The following WDR70 variants were observed in gnomAD, a reference collection of about 807,000 sequenced individuals.
WDR70 encodes the protein WD repeat-containing protein 70.
Under a neutral mutation model 88.6 loss-of-function variants are expected in WDR70, and 53 were observed. The ratio of observed to expected loss-of-function variants is 0.60; its 90% CI spans 0.48 to 0.75. The LOEUF (loss-of-function observed/expected upper bound fraction) is 0.75, where lower values mean the gene tolerates loss of function less well. Ranked by LOEUF, WDR70 falls within the 30% of genes least tolerant of loss-of-function variation. The pLI is 0.00. For synonymous variants in WDR70, 280 were observed against 270.0 expected, an observed-to-expected ratio of 1.04 and a Z score of -0.36; for missense variants, 610 against 823.2, an observed-to-expected ratio of 0.74 and a Z score of 3.17.
chr5:37,732,734 A>C (rs1226018636), intron 17 of WDR70, among the ~76,000 whole-genome samples: 1 of 152,108 alleles, frequency 6.6e-6, no homozygotes, highest in African/African-American at 2.4e-5. Context: ...ATTTATATTA[A>C]GGAGGTTAAC....
At chr5:37,463,978 A>C (rs1429509479) in intron 7 of WDR70, among the ~76,000 whole-genome samples, 1 of 152,226 alleles carries the variant, frequency 6.6e-6, no homozygotes, top group Non-Finnish European at 1.5e-5. Context: ...GCAGAAAAAC[A>C]ATGTGAATAT....
At chr5:37,446,596 A>G (rs935095299) in intron 7 of WDR70, among the ~76,000 whole-genome samples, 4 of 152,242 alleles carry the variant, frequency 2.6e-5, no homozygotes, top group Non-Finnish European at 5.9e-5. Context: ...ACAGAGATAT[A>G]GACCAATGGA....
intron 9 of WDR70, among the ~76,000 whole-genome samples, chr5:37,562,160 C>A (rs1742525292): frequency 6.6e-6 from 1 of 152,136 alleles, no homozygotes; most frequent in African/African-American, 2.4e-5. Flanking sequence ...GTGTTCGAGA[C>A]CAGCCTGGTC....
At chr5:37,413,119 G>C (rs1167513382) in intron 5 of WDR70, among the ~76,000 whole-genome samples, 1 of 152,200 alleles carries the variant, frequency 6.6e-6, no homozygotes, top group Non-Finnish European at 1.5e-5. Flanking sequence ...TATGTCAGCA[G>C]AGGATGCTAG....
intron 5 of WDR70, among the ~76,000 whole-genome samples, chr5:37,415,507 G>A (rs566513944): frequency 2.5e-5 from 2 of 80,162 alleles, no homozygotes; most frequent in South Asian, 4.6e-4. Context: ...GGGTGGGGGG[G>A]GCCTGACCCC....
At chr5:37,461,821 C>G (rs1739015593) in intron 7 of WDR70, among the ~76,000 whole-genome samples, 1 of 152,116 alleles carries the variant, frequency 6.6e-6, no homozygotes, top group Non-Finnish European at 1.5e-5. Context: ...AGGTTTTTGA[C>G]TATATATCTT....
chr5:37,405,139 A>G (rs1406839135), intron 5 of WDR70, among the ~76,000 whole-genome samples: 2 of 152,190 alleles, frequency 1.3e-5, no homozygotes, highest in Non-Finnish European at 1.5e-5. Flanking sequence ...AATAGGGAGA[A>G]GGACAAGTAA....
At chr5:37,667,996 T>C (rs536151828) in intron 10 of WDR70, among the ~76,000 whole-genome samples, 6 of 152,132 alleles carry the variant, frequency 3.9e-5, no homozygotes, top group Non-Finnish European at 8.8e-5. Context: ...AAGGCCATGG[T>C]GTGCAAATAA....
chr5:37,681,425 T>C (rs1399916610), intron 10 of WDR70, among the ~76,000 whole-genome samples: 1 of 152,200 alleles, frequency 6.6e-6, no homozygotes, highest in African/African-American at 2.4e-5. Flanking sequence ...GTTATTTCTT[T>C]CTCTTGCCTG....
At chr5:37,389,816 CA>C (rs1238290237) in intron 3 of WDR70, among the ~76,000 whole-genome samples, 1 of 152,100 alleles carries the variant, frequency 6.6e-6, no homozygotes, top group African/African-American at 2.4e-5. Context: ...CCAGAAGACA[CA>C]AAAAAGTCAA....
chr5:37,570,383 T>C (rs767781349), intron 9 of WDR70, among the ~76,000 whole-genome samples: 9 of 152,096 alleles, frequency 5.9e-5, no homozygotes, highest in Non-Finnish European at 1.3e-4. Flanking sequence ...TGAGAAACTT[T>C]TAAGAAGTGC....
At chr5:37,534,502 T>TTG (rs1741598035) in intron 9 of WDR70, among the ~76,000 whole-genome samples, 1 of 150,898 alleles carries the variant, frequency 6.6e-6, no homozygotes, top group Non-Finnish European at 1.5e-5. Flanking sequence ...AATCAGGCTT[T>TTG]TTTTTTTTTT....
intron 9 of WDR70, among the ~76,000 whole-genome samples, chr5:37,565,056 T>C (rs557383774): frequency 2.6e-5 from 4 of 152,300 alleles, no homozygotes; most frequent in African/African-American, 9.6e-5. Context: ...TATAATAAAC[T>C]TAACCACTTT....
intron 7 of WDR70, among the ~76,000 whole-genome samples, chr5:37,476,175 T>A (rs1197609609): frequency 6.6e-6 from 1 of 152,148 alleles, no homozygotes; most frequent in Non-Finnish European, 1.5e-5. Flanking sequence ...TACTATGTTT[T>A]CTCTTCTCTG....
rs149747728 is a variant in WDR70 at position 37,463,812 on chromosome 5, C to T, written c.687-16022C>T. 5.8e-4 allele frequency among the ~76,000 whole-genome samples: 89 copies of T among 152,278 alleles called. 1 individual carries two copies. Among genetic ancestry groups the T allele is most frequent in the African/African-American group, 2.1e-3 (87 of 41,560 alleles). On this transcript the variant is annotated intron_variant, in intron 7 of 17. Coordinates refer to ENST00000265107, the MANE Select transcript of WDR70 (RefSeq NM_018034.4). ...TGTGTCTAATGACTCTTAATCCTGT[C>T]CTTTTAACTCTGTGGCTAGCAGACT... is the stretch of plus-strand genomic sequence containing the variant.
At position 37,719,824 on chromosome 5, in the gene WDR70, T is replaced by TTTTC. The variant is rs1328649601; in HGVS notation, c.1417-1271_1417-1268dup. 3.2e-4 allele frequency among the ~76,000 whole-genome samples: 47 copies of TTTTC among 146,552 alleles called. No individual in the cohort carries two copies. The South Asian group carries it at 3.9e-3, about 12-fold the overall frequency. On this transcript the variant is annotated intron_variant, in intron 13 of 17. Transcript: ENST00000265107. The stretch of plus-strand genomic sequence containing the variant: ...AGTCAGAATTTTTATTTCTTTGTTT[T>TTTTC]TTTCTTTCTTTCTTTCTTTCTTTTT...
chr5:37,589,249 TACACACACACACAC>T lies in WDR70; in HGVS notation c.918-15790_918-15777del, dbSNP rs57446016. On this transcript the variant is annotated intron_variant, in intron 9 of 17. Transcript: ENST00000265107. The stretch of plus-strand genomic sequence containing the variant: ...ATACATACATATATACCTACACACA[TACACACACACACAC>T]ACACACACACACACACACACACACG... Among the ~76,000 whole-genome samples the T allele has an allele frequency of 2.7e-3, 373 of 140,158 alleles. 5 individuals carry two copies. The East Asian group carries it at 0.046, about 17-fold the overall frequency. The allele number at this position is 140,158 out of a possible 152,430, so 91.9% of individuals were successfully genotyped here.
At chr5:37,446,710 A>T (rs1320637945) in intron 7 of WDR70, among the ~76,000 whole-genome samples, 1 of 152,220 alleles carries the variant, frequency 6.6e-6, no homozygotes, top group African/African-American at 2.4e-5. Context: ...TATTTAATAA[A>T]TGGTGCTGGG....
At chr5:37,416,087 C>G (rs1181274942) in intron 5 of WDR70, among the ~76,000 whole-genome samples, 1 of 152,082 alleles carries the variant, frequency 6.6e-6, no homozygotes, top group African/African-American at 2.4e-5. Context: ...GGCAGAGACG[C>G]TCCTCACTTC....
Sources: allele counts gnomAD v4.1 joint callset (sites outside exome capture counted in the v4.1 genomes callset), GRCh38; gene constraint gnomAD v4.1.1; transcripts MANE v1.5; gene names NCBI Gene and HGNC (gene_info 2026-07-23, HGNC 2026-07-21).